NPR3: variants seen among roughly 807,000 people sequenced by gnomAD.
NPR3 encodes the protein atrial natriuretic peptide receptor 3.
In NPR3, 34 loss-of-function variants were observed where a neutral mutation model predicts 54.5. The ratio of observed to expected loss-of-function variants is 0.62; its 90% CI spans 0.47 to 0.83. NPR3 has a LOEUF of 0.83. NPR3 is among the 40% of genes least tolerant of loss of function. The pLI is 0.00. For synonymous variants in NPR3, 289 were observed against 297.1 expected (o/e 0.97, Z 0.28); for missense variants, 674 against 720.8 (o/e 0.94, Z 0.74).
At chr5:32,730,940 T>C (rs1739416918) in intron 2 of NPR3, among the ~76,000 whole-genome samples, 1 of 152,004 alleles carries the variant, frequency 6.6e-6, no homozygotes, top group Admixed American at 6.6e-5. Flanking sequence ...TTCAACAAGA[T>C]TTTTTTTAGA....
intron 1 of NPR3, among the ~76,000 whole-genome samples, chr5:32,693,490 G>C (rs2111804979): frequency 6.6e-6 from 1 of 152,270 alleles, no homozygotes; most frequent in East Asian, 1.9e-4. Context: ...GACTAATTTA[G>C]AATAGAAAAT....
intron 1 of NPR3, chr5:32,716,368 C>CTTT (rs34628434): frequency 5.7e-4 from 231 of 404,208 alleles, no homozygotes; most frequent in Admixed American, 1.3e-3. Context: ...TAACATGCTA[C>CTTT]TTTTTTTTTT....
intron 1 of NPR3, among the ~76,000 whole-genome samples, chr5:32,716,996 ACC>A (rs548182198): frequency 1.8e-5 from 2 of 109,714 alleles, no homozygotes; most frequent in Non-Finnish European, 3.7e-5. Flanking sequence ...CCATCCCCCA[ACC>A]CCCCCACCCC....
chr5:32,712,623 T>C (rs889519770), intron 1 of NPR3, 78 bp downstream of exon 1: 8 of 1,345,726 alleles, frequency 5.9e-6, no homozygotes, highest in Non-Finnish European at 8.0e-6. Flanking sequence ...TCGTCCACTC[T>C]GCAGACCCCA....
intron 1 of NPR3, among the ~76,000 whole-genome samples, chr5:32,714,052 T>C (rs1738411150): frequency 6.6e-6 from 1 of 152,242 alleles, no homozygotes; most frequent in African/African-American, 2.4e-5. Context: ...GCCAGGTTAC[T>C]GCAGCCTCCA....
upstream of NPR3, among the ~76,000 whole-genome samples, chr5:32,706,905 A>C (rs1738008680): frequency 6.6e-6 from 1 of 152,158 alleles, no homozygotes; most frequent in Non-Finnish European, 1.5e-5. Context: ...AACTTGATGA[A>C]TCTTTTGTTA....
chr5:32,710,786 G>A, upstream of NPR3: 1 of 1,536,644 alleles, frequency 6.5e-7, no homozygotes, highest in Non-Finnish European at 8.8e-7. Flanking sequence ...CGAGAAAGGT[G>A]AGAGCAAGCG....
upstream of NPR3, chr5:32,711,278 C>T (rs1369542569): frequency 1.0e-6 from 1 of 982,492 alleles, no homozygotes; most frequent in Non-Finnish European, 1.2e-6. Flanking sequence ...ACACGCTCAG[C>T]CGCTGCCACG....
upstream of NPR3, chr5:32,709,522 C>G (rs1225143996): frequency 3.3e-5 from 5 of 151,656 alleles, no homozygotes; most frequent in Non-Finnish European, 7.4e-5. Context: ...TGTGGATTAC[C>G]CTGTTTGTGG....
intron 1 of NPR3, among the ~76,000 whole-genome samples, chr5:32,702,291 G>C (rs1737836418): frequency 6.6e-6 from 1 of 151,592 alleles, no homozygotes; most frequent in South Asian, 2.1e-4. Flanking sequence ...TAAGTTTTAG[G>C]GTACATGTGC....
At chr5:32,747,838 C>A (rs1740382186) in intron 3 of NPR3, among the ~76,000 whole-genome samples, 1 of 151,722 alleles carries the variant, frequency 6.6e-6, no homozygotes, top group African/African-American at 2.4e-5. Flanking sequence ...TCACTGCAAC[C>A]TCCACCTCCT....
At chr5:32,780,566 C>T (rs1742285640) in intron 4 of NPR3, among the ~76,000 whole-genome samples, 156 bp from the exon 5 acceptor site, 1 of 152,154 alleles carries the variant, frequency 6.6e-6, no homozygotes, top group East Asian at 1.9e-4. Context: ...ATTACAATGT[C>T]TTTCCAAAAT....
At position 32,790,855 on chromosome 5, in the gene NPR3, A is replaced by G. The variant is rs1260238281; in HGVS notation, c.*4510A>G. 6.0e-6 allele frequency: 1 copy of G among 167,120 alleles called. No homozygotes were observed. The highest frequency in any genetic ancestry group is 1.5e-5 in the Non-Finnish European group (1 of 68,124). 10.4% of individuals were successfully genotyped at this position (167,120 alleles called of 1,614,324 possible). A position where few individuals can be genotyped will look rare whatever the true frequency, so the allele number is the denominator to read the frequency against. ...CCATTTTATAATAGCTCTGTGATAT[A>G]TCAGTGGGAGATGATTCATAGGGGA... On this transcript the variant is annotated 3_prime_UTR_variant, in exon 8 of 8. Transcript: ENST00000265074.
chr5:32,735,170 T>A (rs976383798), intron 2 of NPR3, among the ~76,000 whole-genome samples: 1 of 152,162 alleles, frequency 6.6e-6, no homozygotes, highest in African/African-American at 2.4e-5. Flanking sequence ...AGCCTGGTGG[T>A]CACTTGGGCA....
chr5:32,781,457 T>A (rs1742334137), intron 5 of NPR3, among the ~76,000 whole-genome samples: 1 of 112,562 alleles, frequency 8.9e-6, no homozygotes, highest in South Asian at 3.0e-4. Context: ...TCTGTTTCCT[T>A]GATCGCTGGC....
chr5:32,783,186 T>A (rs1378652498), intron 6 of NPR3, 158 bp downstream of exon 6: 2 of 551,876 alleles, frequency 3.6e-6, no homozygotes, highest in Non-Finnish European at 6.1e-6. Flanking sequence ...CAAACTGGCA[T>A]CTTTCAGGTC....
intron 3 of NPR3, among the ~76,000 whole-genome samples, chr5:32,754,560 T>C (rs1461522110): frequency 6.6e-6 from 1 of 152,126 alleles, no homozygotes; most frequent in African/African-American, 2.4e-5. Flanking sequence ...TTACTGATCA[T>C]AAAATTTCAA....
chr5:32,737,282 G>C (rs1739800203), intron 2 of NPR3, among the ~76,000 whole-genome samples: 1 of 152,128 alleles, frequency 6.6e-6, no homozygotes, highest in Non-Finnish European at 1.5e-5. Context: ...AACTTCAACT[G>C]TTTACATGTC....
upstream of NPR3, chr5:32,710,753 T>G (rs930399372): frequency 1.3e-6 from 2 of 1,548,298 alleles, no homozygotes; most frequent in African/African-American, 1.4e-5. Flanking sequence ...GCGTCGGTGC[T>G]TCAGGAGGGA....
Sources: allele counts gnomAD v4.1 joint callset (sites outside exome capture counted in the v4.1 genomes callset), GRCh38; gene constraint gnomAD v4.1.1; transcripts MANE v1.5; gene names NCBI Gene and HGNC (gene_info 2026-07-23, HGNC 2026-07-21).